Variants in PGBD2 observed in about 807,000 individuals in gnomAD.
PGBD2 encodes piggyBac transposable element-derived protein 2.
A neutral mutation model predicts 8.1 loss-of-function variants in PGBD2; 6 were observed. The observed-to-expected ratio is 0.74, with a 90% CI of 0.40 to 1.46. PGBD2 has a LOEUF of 1.46. Among genes scored for constraint, PGBD2 ranks in the 40% most tolerant of loss-of-function variants. The pLI is 0.02. For synonymous variants in PGBD2, 318 were observed against 272.2 expected, an observed-to-expected ratio of 1.17 and a Z score of -1.66; for missense variants, 802 against 739.0, an observed-to-expected ratio of 1.09 and a Z score of -0.99.
downstream of PGBD2, among the ~76,000 whole-genome samples, chr1:248,921,079 G>A (rs557937948): frequency 2.6e-4 from 39 of 151,690 alleles, no homozygotes; most frequent in African/African-American, 8.5e-4. Flanking sequence ...ATTGTCTCCC[G>A]TTCTGTAGGT....
the PGBD2 span, among the ~76,000 whole-genome samples, chr1:248,883,746 G>T: frequency 5.9e-5 from 9 of 151,544 alleles, no homozygotes; most frequent in Non-Finnish European, 1.0e-4. Flanking sequence ...ACAGGCGCCC[G>T]CCACGATGCC....
the PGBD2 span, among the ~76,000 whole-genome samples, chr1:248,925,303 C>A: frequency 6.6e-6 from 1 of 152,168 alleles, no homozygotes; most frequent in Non-Finnish European, 1.5e-5. Context: ...CAGCTGTGAC[C>A]CCGCACTGTA....
the PGBD2 span, among the ~76,000 whole-genome samples, chr1:248,888,572 C>T: frequency 6.6e-6 from 1 of 152,122 alleles, no homozygotes; most frequent in South Asian, 2.1e-4. Context: ...GCCCTTTGCT[C>T]ATTTTTTAAT....
At chr1:248,913,791 T>A (rs971683787) in intron 1 of PGBD2, 25 bp from the exon 2 acceptor site, 18 of 1,254,530 alleles carry the variant, frequency 1.4e-5, no homozygotes, top group African/African-American at 6.0e-5. Context: ...AATTTTTTTT[T>A]AAATTGACTT....
rs750534853 is a variant in PGBD2 at position 248,913,823 on chromosome 1, GA to G, written c.-39del. The G allele has an allele frequency of 2.6e-6, 4 of 1,567,640 alleles. No homozygotes were observed. The East Asian group carries it at 9.0e-5, about 35-fold the overall frequency. ...ACTTTTCTTGTCTTACAGGTTCTTA[GA>G]CTCTGTGAGTAAAGACAGCTTCATC... On this transcript the variant is annotated 5_prime_UTR_variant, in exon 2 of 3. Coordinates refer to ENST00000329291, the MANE Select transcript of PGBD2 (RefSeq NM_170725.3).
the PGBD2 span, among the ~76,000 whole-genome samples, chr1:248,897,091 T>C: frequency 1.3e-5 from 2 of 152,186 alleles, no homozygotes; most frequent in Admixed American, 6.5e-5. Context: ...GAAATCAAAG[T>C]ACTTTATGTC....
At chr1:248,900,518 A>G in the PGBD2 span, among the ~76,000 whole-genome samples, 2 of 152,234 alleles carry the variant, frequency 1.3e-5, no homozygotes, top group Non-Finnish European at 2.9e-5. Context: ...ATAGAAGCAT[A>G]AAAGATCTTT....
rs1662137040 is a variant in PGBD2 at position 248,917,267 on chromosome 1, T to TA, written c.684dup (p.His229ThrfsTer5). ...AGATTTGAACTAATCTTCTCATACT[T>TA]ACATTTTGCAGATAACAACGAACTT... On this transcript the variant is annotated frameshift_variant, in exon 3 of 3. Transcript: ENST00000329291. LOFTEE classifies it low-confidence loss of function (END_TRUNC). 1.9e-6 allele frequency: 3 copies of TA among 1,614,048 alleles called. No individual in the cohort carries two copies. The highest frequency in any genetic ancestry group is 2.5e-6 in the Non-Finnish European group (3 of 1,180,038).
chr1:248,898,822 TAG>T, the PGBD2 span, among the ~76,000 whole-genome samples: 3,606 of 152,272 alleles, frequency 0.024, 71 homozygotes, highest in Non-Finnish European at 0.035. Context: ...GCAAACTGGA[TAG>T]AGTCAAGACC....
chr1:248,914,745 C>G (rs150312230), intron 2 of PGBD2, among the ~76,000 whole-genome samples: 26 of 152,344 alleles, frequency 1.7e-4, no homozygotes, highest in Middle Eastern at 6.8e-3. Context: ...TGATTCCTCA[C>G]TACCCTGTTC....
At chr1:248,898,545 G>T in the PGBD2 span, among the ~76,000 whole-genome samples, 1 of 152,192 alleles carries the variant, frequency 6.6e-6, no homozygotes, top group African/African-American at 2.4e-5. Context: ...ACCCTTTTCA[G>T]ATGAGCAAAT....
chr1:248,908,951 G>A (rs1386620095), intron 1 of PGBD2, among the ~76,000 whole-genome samples: 1 of 152,072 alleles, frequency 6.6e-6, no homozygotes, highest in Non-Finnish European at 1.5e-5. Flanking sequence ...GACTAGATCA[G>A]TTTCCGTTTT....
At position 248,918,532 on chromosome 1, in the gene PGBD2, A is replaced by G. The variant is rs1355386533; in HGVS notation, c.*169A>G. ...GTTATCTTTTTTATTGTGTTGTGTT[A>G]TGCCTACATGTGATATAAATTAATA... On this transcript the variant is annotated 3_prime_UTR_variant, in exon 3 of 3. Transcript: ENST00000329291. 2 of 443,342 alleles carry G rather than the reference A, an allele frequency of 4.5e-6. No individual in the cohort carries two copies. Among genetic ancestry groups the G allele is most frequent in the Non-Finnish European group, 8.0e-6 (2 of 251,530 alleles). The allele number at this position is 443,342 out of a possible 1,614,324, so 27.5% of individuals were successfully genotyped here.
intron 1 of PGBD2, among the ~76,000 whole-genome samples, chr1:248,913,503 G>T (rs879810196): frequency 6.6e-6 from 1 of 152,130 alleles, no homozygotes; most frequent in Non-Finnish European, 1.5e-5. Flanking sequence ...CGTGCAGCGG[G>T]ATGTTCTACT....
Position 248,916,356 on chromosome 1 carries a change from A to G in PGBD2, c.18-246A>G, listed in dbSNP as rs1389948200. ...TTGAACCCAGGAGGCGGAGGTTGCAATGCACCACTGCACTCCAGCCTGGGT... is the reference window on the plus strand; with the variant it reads ...TTGAACCCAGGAGGCGGAGGTTGCAGTGCACCACTGCACTCCAGCCTGGGT... On this transcript the variant is annotated intron_variant, in intron 2 of 2. Coordinates refer to ENST00000329291, the MANE Select transcript of PGBD2 (RefSeq NM_170725.3). Among the ~76,000 whole-genome samples the G allele has an allele frequency of 2.6e-5, 4 of 152,228 alleles. No homozygotes were observed. The South Asian group carries it at 8.3e-4, about 32-fold the overall frequency.
chr1:248,928,861 A>T, the PGBD2 span, among the ~76,000 whole-genome samples: 4 of 152,208 alleles, frequency 2.6e-5, no homozygotes, highest in Non-Finnish European at 5.9e-5. Flanking sequence ...TTCTTCTGCC[A>T]TATGCATAGT....
chr1:248,902,077 T>G (rs966874786), upstream of PGBD2, among the ~76,000 whole-genome samples: 9 of 152,242 alleles, frequency 5.9e-5, no homozygotes, highest in Admixed American at 2.6e-4. Flanking sequence ...ATGACCAGCC[T>G]GGCCAACATG....
At chr1:248,921,749 G>T (rs1356508711), downstream of PGBD2, among the ~76,000 whole-genome samples, 1 of 152,158 alleles carries the variant, frequency 6.6e-6, no homozygotes, top group Non-Finnish European at 1.5e-5. Flanking sequence ...TCACGATATT[G>T]ATTCTTCCTA....
chr1:248,874,406 C>T, the PGBD2 span, among the ~76,000 whole-genome samples: 1 of 152,136 alleles, frequency 6.6e-6, no homozygotes. Context: ...AAACAAAGGG[C>T]AAAACGCACC....
Sources: allele counts gnomAD v4.1 joint callset (sites outside exome capture counted in the v4.1 genomes callset), GRCh38; gene constraint gnomAD v4.1.1; transcripts MANE v1.5; gene names NCBI Gene and HGNC (gene_info 2026-07-23, HGNC 2026-07-21).